GRAMD4: variants seen among roughly 807,000 people sequenced by gnomAD.
The protein encoded by GRAMD4 is GRAM domain containing 4.
GRAMD4 carries 25 observed loss-of-function variants against 83.9 expected under a neutral mutation model. The observed-to-expected ratio is 0.30, with a 90% CI of 0.22 to 0.42. The LOEUF is 0.42. Ranked by LOEUF, GRAMD4 falls within the 10% of genes least tolerant of loss-of-function variation. The pLI, the probability that GRAMD4 is intolerant of heterozygous loss-of-function variation, is 1.00. For synonymous variants in GRAMD4, 336 were observed against 320.9 expected, an observed-to-expected ratio of 1.05 and a Z score of -0.50; for missense variants, 593 against 788.7, an observed-to-expected ratio of 0.75 and a Z score of 2.97.
intron 1 of GRAMD4, among the ~76,000 whole-genome samples, chr22:46,624,349 T>TTTTTTTTTC (rs1447936104): frequency 2.3e-5 from 3 of 130,156 alleles, no homozygotes; most frequent in South Asian, 2.4e-4. Context: ...TTTTTTTTTT[T>TTTTTTTTTC]CTGAGACGGA....
upstream of GRAMD4, among the ~76,000 whole-genome samples, chr22:46,615,583 G>T (rs112322185): frequency 1.8e-5 from 2 of 112,362 alleles, no homozygotes; most frequent in Admixed American, 8.8e-5. Context: ...TCCCCTGTGC[G>T]TGTAGGTTCC....
chr22:46,596,060 A>G (rs1170404560), intron 1 of GRAMD4, among the ~76,000 whole-genome samples: 1 of 152,200 alleles, frequency 6.6e-6, no homozygotes, highest in Non-Finnish European at 1.5e-5. Flanking sequence ...ACTTTCTCGT[A>G]ATTCACTCTG....
chr22:46,646,774 T>C (rs1259311171), intron 3 of GRAMD4, among the ~76,000 whole-genome samples: 1 of 152,214 alleles, frequency 6.6e-6, no homozygotes, highest in African/African-American at 2.4e-5. Context: ...TTCACGCTGC[T>C]GATAAAGACA....
rs1254314571 is a variant in GRAMD4, at chr22:46,674,675, G to A, written c.1403G>A (p.Arg468His). Reference sequence around the variant, plus strand: ...CCATTAGTGTGCGAGAATGGCTGGCGCTGCTGCCTCATCAACAGGGACCGG... The same window carrying A: ...CCATTAGTGTGCGAGAATGGCTGGCACTGCTGCCTCATCAACAGGGACCGG... ...RPLAVCENGW[R>H]CCLINRDRKM... The change falls in exon 16 of 19, where the codon CGC (arginine) becomes CAC (histidine). Residue 468 changes from arginine (R) to histidine (H), a missense_variant. By Grantham distance (29) the Arg-to-His change is conservative. Transcript: ENST00000406902. The A allele has an allele frequency of 1.9e-6, 3 of 1,611,710 alleles. No individual in the cohort carries two copies. The highest frequency in any genetic ancestry group is 1.7e-5 in the Admixed American group (1 of 59,998).
At chr22:46,579,747 G>T (rs12484675) in intron 1 of GRAMD4, among the ~76,000 whole-genome samples, 2 of 151,988 alleles carry the variant, frequency 1.3e-5, no homozygotes, top group Non-Finnish European at 2.9e-5. Context: ...GAATCTACTG[G>T]GGTTTATTTG....
chr22:46,662,548 A>G (rs2082343928), intron 5 of GRAMD4, among the ~76,000 whole-genome samples: 1 of 152,222 alleles, frequency 6.6e-6, no homozygotes, highest in Non-Finnish European at 1.5e-5. Context: ...TGCGCTCGCC[A>G]GGCACCCCCA....
intron 1 of GRAMD4, among the ~76,000 whole-genome samples, chr22:46,613,493 C>T (rs905621860): frequency 1.3e-5 from 2 of 152,256 alleles, no homozygotes; most frequent in African/African-American, 4.8e-5. Context: ...CCTGTGTCCC[C>T]GAGCTGCTGT....
At chr22:46,618,125 C>T (rs1161107333), upstream of GRAMD4, among the ~76,000 whole-genome samples, 23 of 151,704 alleles carry the variant, frequency 1.5e-4, no homozygotes, top group Admixed American at 9.2e-4. This position sits in a 1 kb window ranked among gnomAD's most constrained non-coding sequence, Gnocchi z 5.8. Context: ...TTGTGTGTCG[C>T]TCCCTCACTC....
rs1302414204 is a variant in GRAMD4, at chr22:46,672,247, A to G, written c.1085-596A>G. Among the ~76,000 whole-genome samples, 3 of 152,154 alleles carry G rather than the reference A, an allele frequency of 2.0e-5. No homozygotes were observed. The highest frequency in any genetic ancestry group is 2.9e-5 in the Non-Finnish European group (2 of 68,022). ...GTCGTGTTTAGTAGGGGGACTGACCATGATTGTGTCAGGTGACAGTATCGG... is the reference window on the plus strand; with the variant it reads ...GTCGTGTTTAGTAGGGGGACTGACCGTGATTGTGTCAGGTGACAGTATCGG... On this transcript the variant is annotated intron_variant, in intron 13 of 18. Coordinates refer to ENST00000406902, the MANE Select transcript of GRAMD4 (RefSeq NM_015124.5). The surrounding 1 kb of genome is among the most constrained non-coding windows in gnomAD (Gnocchi z 4.7).
chr22:46,669,914 CT>C (rs2082476334), intron 13 of GRAMD4, among the ~76,000 whole-genome samples: 1 of 152,168 alleles, frequency 6.6e-6, no homozygotes, highest in Non-Finnish European at 1.5e-5. Context: ...TGTTTCTTTT[CT>C]TTTCTTTCTC....
chr22:46,656,010 C>A (rs568295486), intron 3 of GRAMD4, among the ~76,000 whole-genome samples: 3 of 152,256 alleles, frequency 2.0e-5, no homozygotes, highest in African/African-American at 7.2e-5. Context: ...AGGGAACCAG[C>A]CTGATGAGAC....
intron 1 of GRAMD4, among the ~76,000 whole-genome samples, chr22:46,604,702 GTTC>G (rs2081348299): frequency 6.6e-6 from 1 of 152,250 alleles, no homozygotes; most frequent in Non-Finnish European, 1.5e-5. Flanking sequence ...GCTCACCCAG[GTTC>G]TGGAGCCATA....
chr22:46,598,169 A>T (rs1050111873), intron 1 of GRAMD4, among the ~76,000 whole-genome samples: 1 of 151,962 alleles, frequency 6.6e-6, no homozygotes, highest in South Asian at 2.1e-4. Flanking sequence ...TTTAGTAGAG[A>T]CAGGGTTTCT....
At chr22:46,644,754 A>T (rs1455325915) in intron 3 of GRAMD4, among the ~76,000 whole-genome samples, 1 of 117,832 alleles carries the variant, frequency 8.5e-6, no homozygotes, top group Non-Finnish European at 1.6e-5. Flanking sequence ...TGTTTTTGAG[A>T]TAGGGTCTCG....
intron 3 of GRAMD4, among the ~76,000 whole-genome samples, chr22:46,647,049 A>G (rs2074238272): frequency 1.3e-5 from 2 of 152,170 alleles, no homozygotes; most frequent in Admixed American, 1.3e-4. Flanking sequence ...GGCCCCTCCC[A>G]CAACACTTGG....
chr22:46,580,981 A>AG (rs1422519121), intron 1 of GRAMD4, among the ~76,000 whole-genome samples: 4 of 148,058 alleles, frequency 2.7e-5, no homozygotes, highest in African/African-American at 9.8e-5. Context: ...AAAAAAAAAA[A>AG]AAAGAAAGAA....
chr22:46,666,684 C>CT (rs1263998501), intron 9 of GRAMD4, 141 bp from the exon 10 acceptor site: 19 of 704,544 alleles, frequency 2.7e-5, no homozygotes, highest in Non-Finnish European at 3.3e-5. Flanking sequence ...CCGGAGGGAC[C>CT]TTTTCTCCCC....
chr22:46,650,320 G>A (rs1274787506), intron 3 of GRAMD4, among the ~76,000 whole-genome samples: 1 of 126,488 alleles, frequency 7.9e-6, no homozygotes, highest in Non-Finnish European at 1.7e-5. Context: ...TGTCGAGGCT[G>A]GGTGGAGGGC....
chr22:46,603,649 T>A (rs2081337401), intron 1 of GRAMD4, among the ~76,000 whole-genome samples: 1 of 151,538 alleles, frequency 6.6e-6, no homozygotes, highest in Non-Finnish European at 1.5e-5. Flanking sequence ...CTCGAGTAGC[T>A]GGGATTACAG....
Sources: allele counts gnomAD v4.1 joint callset (sites outside exome capture counted in the v4.1 genomes callset), GRCh38; gene constraint gnomAD v4.1.1; non-coding constraint Gnocchi (gnomAD v3.1); transcripts MANE v1.5; gene names NCBI Gene and HGNC (gene_info 2026-07-23, HGNC 2026-07-21).